KIAA0586: variants seen among roughly 807,000 people sequenced by gnomAD.
The protein encoded by KIAA0586 is KIAA0586.
KIAA0586 carries 144 observed loss-of-function variants against 169.8 expected under a neutral mutation model. The observed-to-expected ratio is 0.85, with a 90% confidence interval of 0.74 to 0.97. KIAA0586 has a LOEUF of 0.97. Ranked by LOEUF, KIAA0586 falls within the 50% of genes least tolerant of loss-of-function variation. KIAA0586 has a pLI of 0.00. For missense variants in KIAA0586, 1,854 were observed against 1,823.0 expected, an observed-to-expected ratio of 1.02 and a Z score of -0.31; for synonymous variants, 625 against 612.4, an observed-to-expected ratio of 1.02 and a Z score of -0.30.
chr14:58,448,365 A>C lies in KIAA0586; in HGVS notation c.833A>C (p.Lys278Thr). The change falls in exon 7 of 31, where the codon AAG (lysine) becomes ACG (threonine). Residue 278 changes from lysine to threonine, a missense_variant. By Grantham distance (78) the Lys-to-Thr change is moderately conservative. Coordinates refer to ENST00000652326, the MANE Select transcript of KIAA0586 (RefSeq NM_001329943.3). ...IQTHFISAALKTSSFQPVSMP... is the reference protein window; with the variant it reads ...IQTHFISAALTTSSFQPVSMP... ...ACTCATTTTATTAGTGCTGCACTCA[A>C]GACTAGTAGTTTTCAGCCTGTTAGT... The C allele has an allele frequency of 6.2e-7, 1 of 1,600,082 alleles. No homozygotes were observed. The highest frequency in any genetic ancestry group is 8.6e-7 in the Non-Finnish European group (1 of 1,169,106).
chr14:58,505,416 T>C (rs1184876785), intron 27 of KIAA0586, among the ~76,000 whole-genome samples: 1 of 152,202 alleles, frequency 6.6e-6, no homozygotes, highest in Non-Finnish European at 1.5e-5. Context: ...AGAGTAAGTA[T>C]CCACACACAC....
intron 8 of KIAA0586, among the ~76,000 whole-genome samples, chr14:58,451,189 C>T (rs546097533): frequency 5.9e-5 from 9 of 151,836 alleles, no homozygotes; most frequent in African/African-American, 2.2e-4. Context: ...CGGGGTTTCA[C>T]CGTGTTAGCC....
At chr14:58,478,730 T>C (rs115032275) in intron 20 of KIAA0586, among the ~76,000 whole-genome samples, 120 of 152,316 alleles carry the variant, frequency 7.9e-4, no homozygotes, top group African/African-American at 2.8e-3. Flanking sequence ...CATTTTGCAG[T>C]CAATTCCTAA....
rs2043350107 is a variant in KIAA0586, at chr14:58,498,881, G to C, written c.4089G>C (p.Gln1363His). The C allele has an allele frequency of 6.2e-7, 1 of 1,612,930 alleles. No individual in the cohort carries two copies. The highest frequency in any genetic ancestry group is 1.7e-5 in the Admixed American group (1 of 59,912). ...NILMGHSLYM[Q>H]PPVTNTQSLD... ...TAATGGGACATTCTCTCTATATGCA[G>C]CCACCTGTCACTAATACACAGTCTT... The change falls in exon 27 of 31, where the codon CAG becomes CAC. Residue 1363 changes from glutamine (Q) to histidine (H), a missense_variant. Gln to His is a conservative substitution (Grantham distance 24). Coordinates refer to ENST00000652326, the MANE Select transcript of KIAA0586 (RefSeq NM_001329943.3).
intron 17 of KIAA0586, 41 bp downstream of exon 17, chr14:58,470,764 T>C: frequency 1.1e-6 from 1 of 951,190 alleles, no homozygotes; most frequent in East Asian, 2.5e-5. Flanking sequence ...GAGTAATGTC[T>C]GACTGTAGAT....
intron 4 of KIAA0586, among the ~76,000 whole-genome samples, chr14:58,438,482 T>G (rs1330403732): frequency 1.3e-5 from 2 of 152,194 alleles, no homozygotes; most frequent in Non-Finnish European, 2.9e-5. Flanking sequence ...TGTTACTTGC[T>G]GTTTGGTATG....
intron 29 of KIAA0586, among the ~76,000 whole-genome samples, chr14:58,538,421 T>C (rs1450393286): frequency 6.6e-6 from 1 of 152,116 alleles, no homozygotes; most frequent in African/African-American, 2.4e-5. Context: ...TTTTTTTAAT[T>C]TTTAGTATAA....
intron 27 of KIAA0586, among the ~76,000 whole-genome samples, chr14:58,504,496 A>G (rs545949880): frequency 8.5e-5 from 13 of 152,188 alleles, no homozygotes; most frequent in Non-Finnish European, 1.6e-4. Context: ...AAATGAAAAA[A>G]ATCCATTAGA....
chr14:58,471,437 A>G (rs926056153), intron 17 of KIAA0586, among the ~76,000 whole-genome samples: 1 of 152,148 alleles, frequency 6.6e-6, no homozygotes, highest in Non-Finnish European at 1.5e-5. Context: ...TCTTCCTGGC[A>G]TTTATTTGCT....
intron 11 of KIAA0586, among the ~76,000 whole-genome samples, 165 bp from the exon 12 acceptor site, chr14:58,458,308 G>A (rs1323024465): frequency 1.3e-5 from 2 of 151,976 alleles, no homozygotes; most frequent in African/African-American, 2.4e-5. Context: ...TTCCTTTTCA[G>A]ATGAAGGATA....
intron 19 of KIAA0586, among the ~76,000 whole-genome samples, chr14:58,476,759 G>A (rs1417216961): frequency 2.1e-5 from 3 of 145,878 alleles, no homozygotes; most frequent in Non-Finnish European, 3.0e-5. Flanking sequence ...CCTCAACCTC[G>A]TGGGCTCAAG....
chr14:58,480,578 A>G (rs1423663500), intron 20 of KIAA0586, among the ~76,000 whole-genome samples: 1 of 152,092 alleles, frequency 6.6e-6, no homozygotes, highest in Non-Finnish European at 1.5e-5. Flanking sequence ...CTCCCCTGGC[A>G]TCTCATCTTT....
chr14:58,557,278 C>A, the KIAA0586 span, among the ~76,000 whole-genome samples: 1 of 152,000 alleles, frequency 6.6e-6, no homozygotes, highest in Non-Finnish European at 1.5e-5. Flanking sequence ...ATTCTTAATC[C>A]CCCAGGTACC....
intron 29 of KIAA0586, chr14:58,522,065 C>A: frequency 1.2e-6 from 1 of 817,508 alleles, no homozygotes; most frequent in Non-Finnish European, 2.1e-6. Flanking sequence ...AAATTTTTCA[C>A]CAGATCCTCT....
rs1470209297 is a variant in KIAA0586 at position 58,548,846 on chromosome 14, TC to T, written c.*917del. Reference sequence around the variant, plus strand: ...GTAATCAGATACATGTAGGTTCTAATCCCAATTCTGTAACTTCTTGCTTTGT... The same window carrying T: ...GTAATCAGATACATGTAGGTTCTAATCCAATTCTGTAACTTCTTGCTTTGT... On this transcript the variant is annotated 3_prime_UTR_variant, in exon 31 of 31. Transcript: ENST00000652326. 1 of 152,212 alleles carries T rather than the reference TC, an allele frequency of 6.6e-6. No individual in the cohort carries two copies. 9.4% of individuals were successfully genotyped at this position (152,212 alleles called of 1,614,324 possible).
chr14:58,494,240 A>G (rs546265728), intron 26 of KIAA0586, among the ~76,000 whole-genome samples: 4 of 149,920 alleles, frequency 2.7e-5, no homozygotes, highest in Admixed American at 6.6e-5. Context: ...GAACTCCCCA[A>G]TCTGATCTGC....
chr14:58,502,691 TTAA>T, intron 27 of KIAA0586, among the ~76,000 whole-genome samples: 1 of 152,276 alleles, frequency 6.6e-6, no homozygotes, highest in South Asian at 2.1e-4. Flanking sequence ...GTTGTTCTCT[TTAA>T]TAATGCTTGG....
rs371957302 is a variant in KIAA0586, at chr14:58,488,657, T to C, written c.3564T>C (p.Ser1188=). The part of the protein sequence containing the change: ...MSVAKDEEPE[S]MDFPAQPPPP... ...TGGCTAAGGATGAAGAACCAGAGAG[T>C]ATGGATTTCCCTGCTCAGCCTCCAC... Residue 1188 remains serine, a synonymous_variant, in exon 24 of 31, where the codon AGT becomes AGC. Coordinates refer to ENST00000652326, the MANE Select transcript of KIAA0586 (RefSeq NM_001329943.3). 6 of 1,613,686 alleles carry C rather than the reference T, an allele frequency of 3.7e-6. No homozygotes were observed. The African/African-American group carries it at 8.0e-5, about 22-fold the overall frequency.
chr14:58,471,799 G>GT (rs1210050788), intron 17 of KIAA0586, among the ~76,000 whole-genome samples: 2 of 150,394 alleles, frequency 1.3e-5, no homozygotes, highest in Admixed American at 6.6e-5. Flanking sequence ...TGACTATTTT[G>GT]TTTTTTTTCC....
Sources: allele counts gnomAD v4.1 joint callset (sites outside exome capture counted in the v4.1 genomes callset), GRCh38; gene constraint gnomAD v4.1.1; transcripts MANE v1.5; gene names NCBI Gene and HGNC (gene_info 2026-07-23, HGNC 2026-07-21).